PALD1: variants seen among roughly 807,000 people sequenced by gnomAD.
The protein encoded by PALD1 is paladin.
A neutral mutation model predicts 96.0 loss-of-function variants in PALD1; 57 were observed. The ratio of observed to expected loss-of-function variants is 0.59; its 90% CI spans 0.48 to 0.74. The LOEUF (loss-of-function observed/expected upper bound fraction) is 0.74, where lower values mean the gene tolerates loss of function less well. Ranked by LOEUF, PALD1 falls within the 30% of genes least tolerant of loss-of-function variation. The pLI is 0.00. For synonymous variants in PALD1, 464 were observed against 473.6 expected, an observed-to-expected ratio of 0.98 and a Z score of 0.26; for missense variants, 1,063 against 1,143.7, an observed-to-expected ratio of 0.93 and a Z score of 1.02.
At chr10:70,556,120 G>T (rs922805508) in intron 18 of PALD1, among the ~76,000 whole-genome samples, 1 of 152,110 alleles carries the variant, frequency 6.6e-6, no homozygotes, top group Non-Finnish European at 1.5e-5. Flanking sequence ...AGTGCTATGA[G>T]CTGTCACATA....
chr10:70,469,532 G>A, the PALD1 span, among the ~76,000 whole-genome samples: 1 of 152,136 alleles, frequency 6.6e-6, no homozygotes. Flanking sequence ...TGCTGTAGAG[G>A]TGAGCGGGCT....
At chr10:70,543,419 T>C (rs184329497) in intron 17 of PALD1, among the ~76,000 whole-genome samples, 1 of 152,344 alleles carries the variant, frequency 6.6e-6, no homozygotes, top group East Asian at 1.9e-4. Flanking sequence ...TTGTTGCCTG[T>C]GCCCTTGGTG....
At chr10:70,509,090 T>TA (rs904672507) in intron 1 of PALD1, among the ~76,000 whole-genome samples, 2 of 152,204 alleles carry the variant, frequency 1.3e-5, no homozygotes, top group African/African-American at 4.8e-5. Flanking sequence ...GCTCCATTGT[T>TA]ACTCACCCTG....
intron 1 of PALD1, among the ~76,000 whole-genome samples, chr10:70,489,073 C>G (rs547733886): frequency 2.6e-5 from 4 of 152,134 alleles, no homozygotes; most frequent in Non-Finnish European, 4.4e-5. Flanking sequence ...GAGGGCAGTT[C>G]GTTGGGTTGA....
At chr10:70,462,347 CT>C in the PALD1 span, among the ~76,000 whole-genome samples, 2 of 152,252 alleles carry the variant, frequency 1.3e-5, no homozygotes, top group African/African-American at 2.4e-5. Context: ...AGTTTCTTAA[CT>C]AATCTATGCC....
intron 7 of PALD1, among the ~76,000 whole-genome samples, chr10:70,533,351 G>C (rs1329494062): frequency 6.6e-6 from 1 of 151,940 alleles, no homozygotes; most frequent in Non-Finnish European, 1.5e-5. Context: ...GGATACATGT[G>C]TTTCTGTGTG....
the PALD1 span, among the ~76,000 whole-genome samples, chr10:70,459,727 G>A: frequency 6.6e-6 from 1 of 152,198 alleles, no homozygotes; most frequent in South Asian, 2.1e-4. Context: ...GGTTATTATG[G>A]GGTAACTGCA....
chr10:70,538,398 G>A lies in PALD1; in HGVS notation c.1442G>A (p.Arg481Lys). 1 of 1,611,802 alleles carries A rather than the reference G, an allele frequency of 6.2e-7. No individual in the cohort carries two copies. Among genetic ancestry groups the A allele is most frequent in the Non-Finnish European group, 8.5e-7 (1 of 1,179,944 alleles). The change falls in exon 12 of 20, where the codon AGG (arginine) becomes AAG (lysine). Residue 481 changes from arginine to lysine, a missense_variant. By Grantham distance (26) the Arg-to-Lys change is conservative. Coordinates refer to ENST00000263563, the MANE Select transcript of PALD1 (RefSeq NM_014431.3). ...GTGGCTCCGAGGGACCTCATCGCCA[G>A]GGGCTCCCTAGTGAGTATGACTGGC... ...GPVAPRDLIA[R>K]GSLREDDLVS...
At chr10:70,505,325 G>A (rs550354936) in intron 1 of PALD1, among the ~76,000 whole-genome samples, 1 of 152,276 alleles carries the variant, frequency 6.6e-6, no homozygotes, top group East Asian at 1.9e-4. Flanking sequence ...GCCAGGTGTG[G>A]TGGCTCACGC....
At position 70,537,910 on chromosome 10, in the gene PALD1, G is replaced by A; in HGVS notation, c.1323+4G>A. 1.3e-6 allele frequency: 2 copies of A among 1,597,838 alleles called. No homozygotes were observed. Among genetic ancestry groups the A allele is most frequent in the Non-Finnish European group, 1.7e-6 (2 of 1,165,410 alleles). ...TAACTACTACCTTCATGAGCAGGTG[G>A]GGCCTGGGAGGAGCAGACCCACGTC... On this transcript the variant is annotated splice_donor_region_variant and intron_variant, in intron 11 of 19. Transcript: ENST00000263563.
intron 18 of PALD1, among the ~76,000 whole-genome samples, chr10:70,549,072 C>T (rs1040815070): frequency 1.5e-5 from 2 of 133,890 alleles, no homozygotes; most frequent in Admixed American, 1.5e-4. Context: ...AAAAAAAGGT[C>T]TGTTAAATGT....
At chr10:70,477,660 C>T (rs1845847193), upstream of PALD1, among the ~76,000 whole-genome samples, 1 of 152,160 alleles carries the variant, frequency 6.6e-6, no homozygotes, top group Non-Finnish European at 1.5e-5. Flanking sequence ...AGTGATTTCT[C>T]TTGTCTTCAG....
At chr10:70,535,435 C>A (rs368849275) in intron 10 of PALD1, among the ~76,000 whole-genome samples, 1 of 103,446 alleles carries the variant, frequency 9.7e-6, no homozygotes, top group Admixed American at 1.2e-4. Context: ...TTCCTCCTCC[C>A]CCCGCTTCCT....
At chr10:70,485,005 T>G (rs1489192178) in intron 1 of PALD1, among the ~76,000 whole-genome samples, 1 of 152,214 alleles carries the variant, frequency 6.6e-6, no homozygotes, top group South Asian at 2.1e-4. Flanking sequence ...TTTAAGAATA[T>G]GGAAAGAAAT....
At chr10:70,517,342 AT>A (rs35816076) in intron 1 of PALD1, among the ~76,000 whole-genome samples, 20,262 of 137,352 alleles carry the variant, frequency 0.15, 1,341 homozygotes, top group African/African-American at 0.21. Flanking sequence ...TTAAGTGTTC[AT>A]TTTTTTTTTT....
At chr10:70,556,530 C>T (rs1486400993) in intron 18 of PALD1, among the ~76,000 whole-genome samples, 1 of 152,098 alleles carries the variant, frequency 6.6e-6, no homozygotes, top group Non-Finnish European at 1.5e-5. Flanking sequence ...GGTGCCCAGG[C>T]TGGCCTCAAA....
chr10:70,531,550 G>C, intron 5 of PALD1, 96 bp downstream of exon 5: 1 of 1,166,978 alleles, frequency 8.6e-7, no homozygotes, highest in Non-Finnish European at 1.2e-6. Context: ...ACTGGCCCGT[G>C]TTCCCCCACT....
chr10:70,496,369 A>G (rs760992600), intron 1 of PALD1, among the ~76,000 whole-genome samples: 5 of 152,210 alleles, frequency 3.3e-5, no homozygotes, highest in Non-Finnish European at 5.9e-5. Flanking sequence ...ATCAAGGTGT[A>G]GAACATTTCC....
chr10:70,462,691 GC>G, the PALD1 span, among the ~76,000 whole-genome samples: 3 of 152,224 alleles, frequency 2.0e-5, no homozygotes, highest in Non-Finnish European at 4.4e-5. Context: ...GATGCCTTGT[GC>G]CCCCCTGGCA....
Sources: allele counts gnomAD v4.1 joint callset (sites outside exome capture counted in the v4.1 genomes callset), GRCh38; gene constraint gnomAD v4.1.1; transcripts MANE v1.5; gene names NCBI Gene and HGNC (gene_info 2026-07-23, HGNC 2026-07-21).